MATR3: variants seen among roughly 807,000 people sequenced by gnomAD.
The protein encoded by MATR3 is matrin-3.
A neutral mutation model predicts 85.5 loss-of-function variants in MATR3; 4 were observed. The observed-to-expected ratio is 0.05, with a 90% confidence interval of 0.02 to 0.11. The LOEUF is 0.11. Ranked by LOEUF, MATR3 falls within the 10% of genes least tolerant of loss-of-function variation. MATR3 has a pLI of 1.00. For synonymous variants in MATR3, 336 were observed against 343.1 expected, an observed-to-expected ratio of 0.98 and a Z score of 0.23; for missense variants, 685 against 1,016.1, an observed-to-expected ratio of 0.67 and a Z score of 4.43.
intron 2 of MATR3, 104 bp from the exon 3 acceptor site, chr5:139,314,571 A>T (rs1755151600): frequency 1.2e-6 from 1 of 866,584 alleles, no homozygotes; most frequent in African/African-American, 1.7e-5. Context: ...GTGTTTGTAC[A>T]GCCTATGATA....
intron 9 of MATR3, 67 bp downstream of exon 9, chr5:139,319,568 G>A: frequency 7.0e-7 from 1 of 1,425,068 alleles, no homozygotes; most frequent in Non-Finnish European, 9.7e-7. Context: ...TCAATATGGA[G>A]CTGGGCGTCA....
chr5:139,320,135 C>G (rs908910910), intron 9 of MATR3, among the ~76,000 whole-genome samples: 38 of 151,556 alleles, frequency 2.5e-4, no homozygotes, highest in Non-Finnish European at 3.2e-4. Flanking sequence ...AGTGAAACCC[C>G]CTCTCTCCTA....
intron 13 of MATR3, 90 bp downstream of exon 13, chr5:139,325,752 A>C: frequency 9.2e-7 from 1 of 1,081,426 alleles, no homozygotes; most frequent in Non-Finnish European, 1.4e-6. Flanking sequence ...TTGGTCTTAC[A>C]TAAGCTGTGA....
chr5:139,278,797 T>C (rs1460423245), intron 2 of MATR3: 1 of 509,254 alleles, frequency 2.0e-6, no homozygotes, highest in Non-Finnish European at 3.9e-6. Context: ...GGTTGTCAGC[T>C]ATCCAGGCTC....
intron 8 of MATR3, 137 bp downstream of exon 8, chr5:139,319,170 G>A (rs1755411543): frequency 7.9e-7 from 1 of 1,258,970 alleles, no homozygotes; most frequent in Non-Finnish European, 1.1e-6. Flanking sequence ...GGGAGGCCAA[G>A]GTCAGAAGGA....
At chr5:139,315,463 C>A (rs1214687849) in intron 3 of MATR3, 1 of 465,196 alleles carries the variant, frequency 2.1e-6, no homozygotes, top group Non-Finnish European at 3.9e-6. Flanking sequence ...AACTTAATTT[C>A]AACATTATCT....
At chr5:139,279,146 T>G (rs934165385) in intron 3 of MATR3, 8 of 454,040 alleles carry the variant, frequency 1.8e-5, no homozygotes, top group Non-Finnish European at 3.1e-5. Context: ...AGTCTTCTTG[T>G]CATGTAGGTC....
intron 12 of MATR3, 170 bp from the exon 13 acceptor site, chr5:139,325,270 C>G (rs769968257): frequency 2.3e-5 from 36 of 1,550,424 alleles, no homozygotes; most frequent in East Asian, 7.3e-5. Flanking sequence ...ATAATTGTTG[C>G]AGAGTAAATT....
chr5:139,315,645 T>C, intron 3 of MATR3, 52 bp from the exon 4 acceptor site: 2 of 1,257,572 alleles, frequency 1.6e-6, no homozygotes, highest in Admixed American at 3.4e-5. Context: ...ACAAGGCTGT[T>C]TTGTGAAAAG....
intron 1 of MATR3, among the ~76,000 whole-genome samples, chr5:139,304,500 GAAA>G (rs781328136): frequency 1.7e-5 from 2 of 117,818 alleles, no homozygotes; most frequent in African/African-American, 6.2e-5. Context: ...AACTCCATCT[GAAA>G]AAAAAAAAAA....
chr5:139,288,057 CAAAA>C (rs557995196), intron 3 of MATR3, among the ~76,000 whole-genome samples: 3 of 150,588 alleles, frequency 2.0e-5, no homozygotes, highest in African/African-American at 7.3e-5. Flanking sequence ...CAAAAAATAC[CAAAA>C]AAAAATTAGC....
At chr5:139,314,630 T>C (rs1159981073) in intron 2 of MATR3, 45 bp from the exon 3 acceptor site, 1 of 1,516,564 alleles carries the variant, frequency 6.6e-7, no homozygotes, top group Admixed American at 1.7e-5. Context: ...GATGAAAATA[T>C]TTCAGCTTTA....
At chr5:139,303,280 T>G (rs550065724) in intron 1 of MATR3, among the ~76,000 whole-genome samples, 1 of 152,284 alleles carries the variant, frequency 6.6e-6, no homozygotes, top group East Asian at 1.9e-4. Flanking sequence ...TTTTATATTT[T>G]TAGTAGAGAC....
chr5:139,324,483 G>T (rs910292842), intron 12 of MATR3, among the ~76,000 whole-genome samples: 2 of 151,970 alleles, frequency 1.3e-5, no homozygotes, highest in South Asian at 2.1e-4. Context: ...TAGAAACGAG[G>T]TTTCGCCATG....
intron 14 of MATR3, among the ~76,000 whole-genome samples, chr5:139,329,050 T>C (rs895672705): frequency 6.6e-6 from 1 of 152,250 alleles, no homozygotes; most frequent in East Asian, 1.9e-4. Flanking sequence ...CCATAGTTCT[T>C]GAATAGTGTC....
At chr5:139,304,600 GCTTT>G (rs1316073720) in intron 1 of MATR3, among the ~76,000 whole-genome samples, 1 of 152,116 alleles carries the variant, frequency 6.6e-6, no homozygotes. Context: ...GGGTGCAGGT[GCTTT>G]CTTTTTTGGA....
intron 3 of MATR3, chr5:139,279,349 C>G: frequency 3.0e-6 from 1 of 337,188 alleles, no homozygotes; most frequent in Non-Finnish European, 5.8e-6. Flanking sequence ...CTGCCTCAGC[C>G]TCCCGAGTAG....
intron 1 of MATR3, among the ~76,000 whole-genome samples, chr5:139,275,453 C>T (rs1162596601): frequency 6.6e-6 from 1 of 152,116 alleles, no homozygotes; most frequent in Non-Finnish European, 1.5e-5. Flanking sequence ...AGTGTTCCCA[C>T]TGTTCACTGC....
At chr5:139,316,775 A>T (rs1755267336) in intron 5 of MATR3, among the ~76,000 whole-genome samples, 1 of 151,946 alleles carries the variant, frequency 6.6e-6, no homozygotes, top group Admixed American at 6.6e-5. Flanking sequence ...GGTCTCAAAC[A>T]CCTGGCCTCA....
Sources: allele counts gnomAD v4.1 joint callset (sites outside exome capture counted in the v4.1 genomes callset), GRCh38; gene constraint gnomAD v4.1.1; transcripts MANE v1.5; gene names NCBI Gene and HGNC (gene_info 2026-07-23, HGNC 2026-07-21).